The following MDGA2 variants were observed in gnomAD, a reference collection of about 807,000 sequenced individuals.
MDGA2 encodes the protein MAM domain containing glycosylphosphatidylinositol anchor 2.
MDGA2 carries 40 observed loss-of-function variants against 117.8 expected under a neutral mutation model. The observed-to-expected ratio is 0.34, with a 90% CI of 0.26 to 0.44. MDGA2 has a LOEUF of 0.44. MDGA2 is among the 20% of genes least tolerant of loss of function. The probability of loss-of-function intolerance (pLI) is 1.00; values close to 1 mark genes in which losing one functional copy is unlikely to be tolerated. For synonymous variants in MDGA2, 452 were observed against 439.0 expected (o/e 1.03, Z -0.37); for missense variants, 1,123 against 1,250.6 (o/e 0.90, Z 1.54).
intron 1 of MDGA2, among the ~76,000 whole-genome samples, chr14:47,460,560 C>T (rs572216447): frequency 6.6e-6 from 1 of 151,836 alleles, no homozygotes. Flanking sequence ...TTGCAAAATT[C>T]ATAACGAAAG....
chr14:47,578,807 G>GTGC (rs1169365325), intron 1 of MDGA2, among the ~76,000 whole-genome samples: 3 of 152,110 alleles, frequency 2.0e-5, no homozygotes, highest in African/African-American at 7.2e-5. Context: ...GCTACATGAT[G>GTGC]TGCTATGCTG....
chr14:46,995,996 T>A (rs1887276077), intron 8 of MDGA2, among the ~76,000 whole-genome samples: 1 of 152,054 alleles, frequency 6.6e-6, no homozygotes, highest in Non-Finnish European at 1.5e-5. Flanking sequence ...CTATATCCAG[T>A]GGTCTATATC....
chr14:46,938,103 C>CA (rs1173967661), intron 9 of MDGA2, among the ~76,000 whole-genome samples: 2 of 152,076 alleles, frequency 1.3e-5, no homozygotes, highest in South Asian at 2.1e-4. Context: ...ATCTCTAGCA[C>CA]AAAAATATAC....
chr14:46,909,658 C>T (rs572453999), intron 10 of MDGA2, among the ~76,000 whole-genome samples: 75 of 152,184 alleles, frequency 4.9e-4, no homozygotes, highest in Non-Finnish European at 7.8e-4. Flanking sequence ...TTGTAAAGGA[C>T]AAAAATACAT....
intron 1 of MDGA2, among the ~76,000 whole-genome samples, chr14:47,511,473 T>G (rs552882070): frequency 6.6e-6 from 1 of 152,274 alleles, no homozygotes; most frequent in African/African-American, 2.4e-5. Flanking sequence ...ATTTAAATAG[T>G]ATACATGGAA....
At chr14:47,672,440 A>G (rs1594975248) in intron 1 of MDGA2, among the ~76,000 whole-genome samples, 1 of 152,334 alleles carries the variant, frequency 6.6e-6, no homozygotes, top group East Asian at 1.9e-4. Flanking sequence ...TCTCTGCTAG[A>G]TCTTACCCTT....
At chr14:47,440,310 T>C (rs1358093636) in intron 1 of MDGA2, among the ~76,000 whole-genome samples, 1 of 152,102 alleles carries the variant, frequency 6.6e-6, no homozygotes, top group South Asian at 2.1e-4. Flanking sequence ...TGAAGTGTGA[T>C]CTCCACTATT....
intron 1 of MDGA2, among the ~76,000 whole-genome samples, chr14:47,304,798 T>C (rs1461949041): frequency 6.6e-6 from 1 of 152,132 alleles, no homozygotes; most frequent in Non-Finnish European, 1.5e-5. Flanking sequence ...TTCTCTGTAA[T>C]ATCAGGCTAT....
At chr14:47,322,616 C>T (rs955320911) in intron 1 of MDGA2, among the ~76,000 whole-genome samples, 4 of 152,118 alleles carry the variant, frequency 2.6e-5, no homozygotes, top group African/African-American at 9.7e-5. Flanking sequence ...ACCCAGAAAA[C>T]GCAACCTGCA....
Position 47,218,175 on chromosome 14 carries a change from T to A in MDGA2, c.441A>T (p.Ala147=). ...CTTGGAATCTGTCAGAGGCACTTCC[T>A]GCTGTTTTGGTCCACCTGATCTGAG... is the stretch of plus-strand genomic sequence containing the variant. ...PRPQIRWTKT[A]GSASDRFQDS... Residue 147 remains alanine, a synonymous_variant, in exon 3 of 17, where the codon GCA becomes GCT. Coordinates refer to ENST00000399232, the MANE Select transcript of MDGA2 (RefSeq NM_001113498.3). The A allele has an allele frequency of 6.5e-7, 1 of 1,548,876 alleles. No individual in the cohort carries two copies. Among genetic ancestry groups the A allele is most frequent in the Non-Finnish European group, 8.7e-7 (1 of 1,145,470 alleles).
Position 47,144,170 on chromosome 14 carries a change from G to C in MDGA2, c.700C>G (p.Pro234Ala). 6.4e-7 allele frequency: 1 copy of C among 1,551,378 alleles called. No individual in the cohort carries two copies. Among genetic ancestry groups the C allele is most frequent in the Non-Finnish European group, 8.7e-7 (1 of 1,146,806 alleles). The change falls in exon 4 of 17, where the codon CCT becomes GCT. Residue 234 changes from proline (P) to alanine (A), a missense_variant. Pro to Ala is a conservative substitution (Grantham distance 27, BLOSUM62 -1). This residue lies in a region of MDGA2 where 890 missense variants were observed against 1,050.3 expected (regional missense o/e 0.85). Transcript: ENST00000399232. ...CGTCTCCAGCTATACCGAACAGGAG[G>C]ATTGGAATTGGCAACACACCGGAGG... ...VFLRCVANSNPPVRYSWRRGQ... is the reference protein window; with the variant it reads ...VFLRCVANSNAPVRYSWRRGQ...
chr14:47,317,172 T>C (rs1379383929), intron 1 of MDGA2, among the ~76,000 whole-genome samples: 8 of 152,052 alleles, frequency 5.3e-5, no homozygotes, highest in Non-Finnish European at 8.8e-5. Context: ...GAAATACAAA[T>C]ATTTCTGCGC....
intron 3 of MDGA2, among the ~76,000 whole-genome samples, chr14:47,172,076 T>G (rs373486235): frequency 1.3e-5 from 2 of 152,040 alleles, no homozygotes; most frequent in Non-Finnish European, 2.9e-5. Context: ...AACTGCAAGG[T>G]GGCAGCAAGG....
chr14:47,535,400 A>C (rs1895189275), intron 1 of MDGA2, among the ~76,000 whole-genome samples: 1 of 152,200 alleles, frequency 6.6e-6, no homozygotes, highest in African/African-American at 2.4e-5. Context: ...AAACAGTATA[A>C]ATGGAATGGA....
At chr14:47,098,648 A>G (rs1880122897) in intron 5 of MDGA2, among the ~76,000 whole-genome samples, 1 of 151,912 alleles carries the variant, frequency 6.6e-6, no homozygotes, top group Non-Finnish European at 1.5e-5. Flanking sequence ...AGAGGTAAAG[A>G]AAATCTCTAT....
chr14:47,651,286 G>A (rs1311027031), intron 1 of MDGA2, among the ~76,000 whole-genome samples: 1 of 150,254 alleles, frequency 6.7e-6, no homozygotes, highest in Non-Finnish European at 1.5e-5. Context: ...ATATCCTATT[G>A]GTTCTGTTTC....
At chr14:47,164,486 A>C (rs1883778224) in intron 3 of MDGA2, among the ~76,000 whole-genome samples, 1 of 152,234 alleles carries the variant, frequency 6.6e-6, no homozygotes, top group African/African-American at 2.4e-5. Context: ...ATGCAGCCAA[A>C]AAACACATGA....
At chr14:47,038,926 G>C (rs374931499) in intron 7 of MDGA2, among the ~76,000 whole-genome samples, 1 of 151,202 alleles carries the variant, frequency 6.6e-6, no homozygotes, top group Non-Finnish European at 1.5e-5. Context: ...CTCCAGCCTG[G>C]GCAACGGAGT....
chr14:46,855,258 A>G lies in MDGA2; in HGVS notation c.2753-104T>C. The G allele has an allele frequency of 1.1e-6, 1 of 875,490 alleles. No individual in the cohort carries two copies. The highest frequency in any genetic ancestry group is 1.7e-6 in the Non-Finnish European group (1 of 574,584). The allele number at this position is 875,490 out of a possible 1,614,324, so 54.2% of individuals were successfully genotyped here. A position where few individuals can be genotyped will look rare whatever the true frequency, so the allele number is the denominator to read the frequency against. The stretch of plus-strand genomic sequence containing the variant: ...ACTTTTTAAACTGAAATTTTACAGA[A>G]CACTCTAGTGTCTTGTCCTCTCTTC... On this transcript the variant is annotated intron_variant, in intron 14 of 16. Coordinates refer to ENST00000399232, the MANE Select transcript of MDGA2 (RefSeq NM_001113498.3). This position sits in a 1 kb window ranked among gnomAD's most constrained non-coding sequence, Gnocchi z 4.1.
Sources: allele counts gnomAD v4.1 joint callset (sites outside exome capture counted in the v4.1 genomes callset), GRCh38; gene constraint gnomAD v4.1.1; regional missense constraint gnomAD v4.1.1; non-coding constraint Gnocchi (gnomAD v3.1); transcripts MANE v1.5; gene names NCBI Gene and HGNC (gene_info 2026-07-23, HGNC 2026-07-21).